GALR1: variants seen among roughly 807,000 people sequenced by gnomAD.
GALR1 encodes galanin receptor type 1.
Under a neutral mutation model 17.9 loss-of-function variants are expected in GALR1, and 11 were observed. The ratio of observed to expected loss-of-function variants is 0.62; its 90% CI spans 0.39 to 1.02. The LOEUF is 1.02. Ranked by LOEUF, GALR1 falls within the 50% of genes least tolerant of loss-of-function variation. The pLI, the probability that GALR1 is intolerant of heterozygous loss-of-function variation, is 0.01. For synonymous variants in GALR1, 206 were observed against 205.7 expected, an observed-to-expected ratio of 1.00 and a Z score of -0.01; for missense variants, 441 against 456.9, an observed-to-expected ratio of 0.97 and a Z score of 0.32.
chr18:77,251,223 C>T lies in GALR1; in HGVS notation c.666+9C>T, dbSNP rs754132811. On this transcript the variant is annotated intron_variant, in intron 1 of 2. Coordinates refer to ENST00000299727, the MANE Select transcript of GALR1 (RefSeq NM_001480.4). ...GCTTCTGCTATGCCAAGGTGCACGCCGGTCGCGGGGCCGAGACGCGCGAGG... is the reference window on the plus strand; with the variant it reads ...GCTTCTGCTATGCCAAGGTGCACGCTGGTCGCGGGGCCGAGACGCGCGAGG... The T allele has an allele frequency of 6.4e-5, 102 of 1,587,884 alleles. No homozygotes were observed. The South Asian group carries it at 1.1e-3, about 16-fold the overall frequency.
chr18:77,270,139 A>T lies in GALR1; in HGVS notation c.*1237A>T, dbSNP rs922244871. On this transcript the variant is annotated 3_prime_UTR_variant, in exon 3 of 3. Transcript: ENST00000299727. ...AAAATATTAAATTGTCTTGTATCGG[A>T]AAAGTACTTTTCAGACTGTAAGACT... 2.0e-5 allele frequency: 3 copies of T among 152,212 alleles called. No homozygotes were observed. The highest frequency in any genetic ancestry group is 4.4e-5 in the Non-Finnish European group (3 of 68,042). The allele number at this position is 152,212 out of a possible 1,614,324, so 9.4% of individuals were successfully genotyped here.
At chr18:77,256,879 G>T (rs1378903364) in intron 2 of GALR1, among the ~76,000 whole-genome samples, 1 of 152,072 alleles carries the variant, frequency 6.6e-6, no homozygotes, top group African/African-American at 2.4e-5. Flanking sequence ...TCTACATTTT[G>T]GGGGAAAACT....
At chr18:77,253,010 CCACCACCACCACCAT>C (rs1912502016) in intron 1 of GALR1, among the ~76,000 whole-genome samples, 10 of 62,626 alleles carry the variant, frequency 1.6e-4, no homozygotes, top group African/African-American at 1.8e-4. Flanking sequence ...ACCACCACCA[CCACCACCACCACCAT>C]CACCACCATC....
intron 1 of GALR1, among the ~76,000 whole-genome samples, chr18:77,252,153 T>C (rs1280837497): frequency 6.6e-6 from 1 of 152,210 alleles, no homozygotes; most frequent in African/African-American, 2.4e-5. Context: ...TCTCATTAAG[T>C]CCACAAGGGT....
chr18:77,251,310 G>A, intron 1 of GALR1, 96 bp downstream of exon 1: 3 of 1,487,050 alleles, frequency 2.0e-6, no homozygotes, highest in Non-Finnish European at 2.7e-6. Flanking sequence ...CCGGAGCCTT[G>A]GCGGCAGCCT....
rs1913040924 is a variant in GALR1, at chr18:77,270,500, T to A, written c.*1598T>A. On this transcript the variant is annotated 3_prime_UTR_variant, in exon 3 of 3. Transcript: ENST00000299727. ...CTGCACTTCAGCCTGGATGACAGAG[T>A]AAGACTCTGTCTAAAATATATATAT... The A allele has an allele frequency of 6.7e-6, 1 of 149,406 alleles. No homozygotes were observed. The highest frequency in any genetic ancestry group is 2.1e-4 in the South Asian group (1 of 4,680). 9.3% of individuals were successfully genotyped at this position (149,406 alleles called of 1,614,324 possible). A position where few individuals can be genotyped will look rare whatever the true frequency, so the allele number is the denominator to read the frequency against.
rs944716909 is a variant in GALR1, at chr18:77,257,246, A to C, written c.732+1023A>C. 2.6e-5 allele frequency among the ~76,000 whole-genome samples: 4 copies of C among 152,214 alleles called. 1 individual carries two copies. In the South Asian group the frequency reaches 8.3e-4, roughly 31 times the overall value. The stretch of plus-strand genomic sequence containing the variant: ...CCAGAGTCAAAACCAGTGGTAGAGA[A>C]TTGGTTATAGAGCACAAACATTAAG... On this transcript the variant is annotated intron_variant, in intron 2 of 2. Coordinates refer to ENST00000299727, the MANE Select transcript of GALR1 (RefSeq NM_001480.4).
At chr18:77,252,923 T>TCACCACCACCACCAC (rs1912475884) in intron 1 of GALR1, among the ~76,000 whole-genome samples, 1 of 84,690 alleles carries the variant, frequency 1.2e-5, no homozygotes, top group Non-Finnish European at 2.3e-5. Flanking sequence ...ACCACCACCA[T>TCACCACCACCACCAC]CACCACCACC....
chr18:77,269,464 A>G lies in GALR1; in HGVS notation c.*562A>G, dbSNP rs1384885902. 1 of 152,888 alleles carries G rather than the reference A, an allele frequency of 6.5e-6. No homozygotes were observed. The highest frequency in any genetic ancestry group is 2.4e-5 in the African/African-American group (1 of 41,470). The allele number at this position is 152,888 out of a possible 1,614,324, so 9.5% of individuals were successfully genotyped here. On this transcript the variant is annotated 3_prime_UTR_variant, in exon 3 of 3. Coordinates refer to ENST00000299727, the MANE Select transcript of GALR1 (RefSeq NM_001480.4). ...TTTGCACAGGTGGCATTTGCTTCCA[A>G]TTGTAGCTAGCGCACAGAGCTTTGG... is the stretch of plus-strand genomic sequence containing the variant.
Position 77,250,423 on chromosome 18 carries a change from G to A in GALR1, c.-126G>A, listed in dbSNP as rs1000582822. On this transcript the variant is annotated 5_prime_UTR_variant, in exon 1 of 3. Transcript: ENST00000299727. ...GCTCCCGCTGGCTCGCGCCTCGGGG[G>A]AAGCTCAGACTCCTAAACTCGCACT... is the stretch of plus-strand genomic sequence containing the variant. The A allele has an allele frequency of 2.9e-6, 3 of 1,021,726 alleles. No individual in the cohort carries two copies. Among genetic ancestry groups the A allele is most frequent in the Admixed American group, 3.8e-5 (1 of 26,104 alleles). 63.3% of individuals were successfully genotyped at this position (1,021,726 alleles called of 1,614,324 possible). A position where few individuals can be genotyped will look rare whatever the true frequency, so the allele number is the denominator to read the frequency against.
In GALR1 at chr18:77,277,539, T is replaced by C. The variant is rs1913181481; in HGVS notation, c.*8637T>C. ...AATGTAAGTCAATTAAACCACTTTC[T>C]TTAGTAAATTGCCCAGTCTCGGGTA... On this transcript the variant is annotated 3_prime_UTR_variant, in exon 3 of 3. Transcript: ENST00000299727. The C allele has an allele frequency of 6.6e-6, 1 of 152,256 alleles. No individual in the cohort carries two copies. Among genetic ancestry groups the C allele is most frequent in the East Asian group, 1.9e-4 (1 of 5,194 alleles). The allele number at this position is 152,256 out of a possible 1,614,324, so 9.4% of individuals were successfully genotyped here.
Position 77,251,517 on chromosome 18 carries a change from C to T in GALR1, c.666+303C>T, listed in dbSNP as rs529100925. 5.3e-5 allele frequency among the ~76,000 whole-genome samples: 8 copies of T among 152,368 alleles called. No homozygotes were observed. In the East Asian group the frequency reaches 1.5e-3, roughly 29 times the overall value. On this transcript the variant is annotated intron_variant, in intron 1 of 2. Transcript: ENST00000299727. Reference sequence around the variant, plus strand: ...CCCCTCCCCTTCCTCGGCCCTGCGGCCCTTCAACGCCCCCAGGTTGCCTGG... The same window carrying T: ...CCCCTCCCCTTCCTCGGCCCTGCGGTCCTTCAACGCCCCCAGGTTGCCTGG...
intron 2 of GALR1, among the ~76,000 whole-genome samples, chr18:77,256,940 G>A (rs1912605199): frequency 6.6e-6 from 1 of 152,156 alleles, no homozygotes; most frequent in African/African-American, 2.4e-5. Flanking sequence ...TATCTATATA[G>A]CTTCTAATTT....
rs1384885902 is a variant in GALR1 at position 77,269,464 on chromosome 18, A to T, written c.*562A>T. 1 of 152,888 alleles carries T rather than the reference A, an allele frequency of 6.5e-6. No homozygotes were observed. The highest frequency in any genetic ancestry group is 2.4e-5 in the African/African-American group (1 of 41,470). The allele number at this position is 152,888 out of a possible 1,614,324, so 9.5% of individuals were successfully genotyped here. ...TTTGCACAGGTGGCATTTGCTTCCA[A>T]TTGTAGCTAGCGCACAGAGCTTTGG... is the stretch of plus-strand genomic sequence containing the variant. On this transcript the variant is annotated 3_prime_UTR_variant, in exon 3 of 3. Coordinates refer to ENST00000299727, the MANE Select transcript of GALR1 (RefSeq NM_001480.4).
intron 2 of GALR1, among the ~76,000 whole-genome samples, chr18:77,259,666 G>A (rs1057072315): frequency 2.7e-5 from 4 of 148,782 alleles, no homozygotes; most frequent in Admixed American, 1.3e-4. Context: ...TGGTGGTGGT[G>A]GCAATAGTGA....
rs185575076 is a variant in GALR1, at chr18:77,275,533, T to C, written c.*6631T>C. On this transcript the variant is annotated 3_prime_UTR_variant, in exon 3 of 3. Coordinates refer to ENST00000299727, the MANE Select transcript of GALR1 (RefSeq NM_001480.4). ...ACACGATCAGCGTGATAGACAGGTG[T>C]CTTGCTATGTGACTTGCCATTGCGG... 6 of 152,316 alleles carry C rather than the reference T, an allele frequency of 3.9e-5. No individual in the cohort carries two copies. The highest frequency in any genetic ancestry group is 1.4e-4 in the African/African-American group (6 of 41,564). The allele number at this position is 152,316 out of a possible 1,614,324, so 9.4% of individuals were successfully genotyped here.
At chr18:77,261,368 G>A (rs1371093829) in intron 2 of GALR1, among the ~76,000 whole-genome samples, 1 of 152,192 alleles carries the variant, frequency 6.6e-6, no homozygotes, top group Non-Finnish European at 1.5e-5. Flanking sequence ...TGACGGAGAC[G>A]GAGGACCCTG....
chr18:77,256,193 G>A lies in GALR1; in HGVS notation c.702G>A (p.Met234Ile). Residue 234 changes from methionine to isoleucine, a missense_variant, in exon 2 of 3, where the codon ATG becomes ATA. By Grantham distance (10) the Met-to-Ile change is conservative. Transcript: ENST00000299727. ...LNHLHKKLKN[M>I]SKKSEASKKK... The stretch of plus-strand genomic sequence containing the variant: ...ACTTGCATAAAAAGTTGAAGAACAT[G>A]TCAAAGAAGTCTGAAGCATCCAAGA... 1 of 1,599,870 alleles carries A rather than the reference G, an allele frequency of 6.3e-7. No homozygotes were observed. The highest frequency in any genetic ancestry group is 8.6e-7 in the Non-Finnish European group (1 of 1,167,246).
chr18:77,259,949 C>T (rs1912792068), intron 2 of GALR1, among the ~76,000 whole-genome samples: 1 of 151,964 alleles, frequency 6.6e-6, no homozygotes, highest in African/African-American at 2.4e-5. Flanking sequence ...CAGGTCTCAG[C>T]ACAGAAAATT....
Sources: gnomAD v4.1 joint callset for allele counts (sites outside exome capture counted in the v4.1 genomes callset) on GRCh38, gnomAD v4.1.1 for gene constraint, MANE v1.5 for transcripts, NCBI Gene and HGNC (gene_info 2026-07-23, HGNC 2026-07-21) for gene names.